The following SDK1 variants were observed in gnomAD, a reference collection of about 807,000 sequenced individuals.
SDK1 encodes the protein protein sidekick-1.
In SDK1, 157 loss-of-function variants were observed where a neutral mutation model predicts 245.5. The observed-to-expected ratio is 0.64, with a 90% CI of 0.56 to 0.73. SDK1 has a LOEUF of 0.73. Among genes scored for constraint, SDK1 ranks in the 30% least tolerant of loss-of-function variants. SDK1 has a pLI of 0.00. For synonymous variants in SDK1, 1,647 were observed against 1,278.5 expected, an observed-to-expected ratio of 1.29 and a Z score of -6.15; for missense variants, 3,583 against 3,002.3, an observed-to-expected ratio of 1.19 and a Z score of -4.52.
rs1456644585 is a variant in SDK1 at position 3,354,060 on chromosome 7, T to C, written c.298+52176T>C. ...CAGGCTGGAGTGCAGTGGCGAGATC[T>C]CGGCTCGCTGCAAGCTCCGCCTCCT... is the stretch of plus-strand genomic sequence containing the variant. On this transcript the variant is annotated intron_variant, in intron 1 of 44. Coordinates refer to ENST00000404826, the MANE Select transcript of SDK1 (RefSeq NM_152744.4). Among the ~76,000 whole-genome samples the C allele has an allele frequency of 6.6e-5, 10 of 151,576 alleles. 1 individual carries two copies. Among genetic ancestry groups the C allele is most frequent in the Admixed American group, 6.6e-4 (10 of 15,218 alleles).
At chr7:3,491,679 A>G (rs564414635) in intron 1 of SDK1, among the ~76,000 whole-genome samples, 4 of 152,224 alleles carry the variant, frequency 2.6e-5, no homozygotes, top group Non-Finnish European at 5.9e-5. Context: ...ACACATTCTC[A>G]GTTGAGCTAG....
intron 4 of SDK1, among the ~76,000 whole-genome samples, chr7:3,755,150 A>G (rs1017549014): frequency 3.9e-5 from 6 of 152,154 alleles, no homozygotes; most frequent in African/African-American, 1.4e-4. Flanking sequence ...CAAGTGAAAG[A>G]AGGAGGCTTC....
At chr7:3,940,581 G>C (rs377260256) in intron 5 of SDK1, among the ~76,000 whole-genome samples, 1 of 152,040 alleles carries the variant, frequency 6.6e-6, no homozygotes, top group South Asian at 2.1e-4. Context: ...GGTGGCTCAC[G>C]CCTGTAATCC....
intron 4 of SDK1, among the ~76,000 whole-genome samples, chr7:3,790,805 C>T (rs1273583658): frequency 1.3e-5 from 2 of 152,084 alleles, no homozygotes; most frequent in Non-Finnish European, 2.9e-5. Context: ...GCCAAAAACA[C>T]ACACACAAAA....
At chr7:4,194,034 T>A (rs1420811756) in intron 35 of SDK1, among the ~76,000 whole-genome samples, 2 of 151,920 alleles carry the variant, frequency 1.3e-5, no homozygotes, top group Non-Finnish European at 2.9e-5. Flanking sequence ...AGAAGTAGAG[T>A]CCTTAGCATT....
intron 4 of SDK1, among the ~76,000 whole-genome samples, chr7:3,738,168 C>T (rs80182692): frequency 0.069 from 10,533 of 152,218 alleles, 411 homozygotes; most frequent in Middle Eastern, 0.12. Flanking sequence ...ATTGTAAGTG[C>T]TTTCAATTTT....
At chr7:4,143,055 C>T (rs1190199525) in intron 28 of SDK1, among the ~76,000 whole-genome samples, 1 of 152,172 alleles carries the variant, frequency 6.6e-6, no homozygotes, top group Non-Finnish European at 1.5e-5. Flanking sequence ...TTCTGAGGCA[C>T]ACGCTGTAGG....
chr7:4,251,477 G>A (rs1052587395), intron 44 of SDK1, among the ~76,000 whole-genome samples: 4 of 152,140 alleles, frequency 2.6e-5, no homozygotes, highest in African/African-American at 4.8e-5. Flanking sequence ...TGTCTACCAC[G>A]GCTTTACCAT....
intron 35 of SDK1, among the ~76,000 whole-genome samples, chr7:4,183,171 G>T (rs1449488421): frequency 6.6e-6 from 1 of 152,192 alleles, no homozygotes; most frequent in Admixed American, 6.5e-5. Flanking sequence ...TGAGTCGTGA[G>T]TCATGAGTCC....
In SDK1 at chr7:3,639,119, A is replaced by C; in HGVS notation, c.565+9A>C. 1 of 1,520,706 alleles carries C rather than the reference A, an allele frequency of 6.6e-7. No individual in the cohort carries two copies. Among genetic ancestry groups the C allele is most frequent in the Non-Finnish European group, 9.0e-7 (1 of 1,105,082 alleles). The allele number at this position is 1,520,706 out of a possible 1,614,324, so 94.2% of individuals were successfully genotyped here. On this transcript the variant is annotated intron_variant, in intron 3 of 44. Coordinates refer to ENST00000404826, the MANE Select transcript of SDK1 (RefSeq NM_152744.4). ...AGAAGTTCAAGTCGCATGTATGTGT[A>C]CAGTAAGGAGATGTCCAAATGTTAA...
intron 1 of SDK1, among the ~76,000 whole-genome samples, chr7:3,571,889 C>A: frequency 6.6e-6 from 1 of 152,034 alleles, no homozygotes; most frequent in East Asian, 1.9e-4. Flanking sequence ...TATATTTCTA[C>A]CTAGCCCTTA....
chr7:3,750,904 G>A (rs867099064), intron 4 of SDK1, among the ~76,000 whole-genome samples: 12 of 152,192 alleles, frequency 7.9e-5, no homozygotes, highest in African/African-American at 2.2e-4. Context: ...TGGATGTAGC[G>A]CTAACAGCAC....
intron 4 of SDK1, among the ~76,000 whole-genome samples, chr7:3,800,148 T>C (rs1282484906): frequency 1.3e-5 from 2 of 152,160 alleles, no homozygotes; most frequent in African/African-American, 2.4e-5. Flanking sequence ...CCTGGCATAC[T>C]GTATTAGGAA....
intron 1 of SDK1, among the ~76,000 whole-genome samples, chr7:3,397,655 G>A: frequency 6.6e-6 from 1 of 151,880 alleles, no homozygotes; most frequent in East Asian, 1.9e-4. Flanking sequence ...TTGACTCTTT[G>A]AGTTACCCTA....
chr7:4,125,358 T>C (rs1411113022), intron 25 of SDK1, among the ~76,000 whole-genome samples: 1 of 149,932 alleles, frequency 6.7e-6, no homozygotes, highest in Non-Finnish European at 1.5e-5. Context: ...GATGGATGGA[T>C]GGATGGATGA....
intron 1 of SDK1, among the ~76,000 whole-genome samples, chr7:3,564,372 C>T (rs573595483): frequency 1.2e-4 from 18 of 152,066 alleles, no homozygotes; most frequent in Non-Finnish European, 1.6e-4. Flanking sequence ...CCTGTAGTCC[C>T]AGCTGCTTTG....
At chr7:3,348,121 A>G (rs764247348) in intron 1 of SDK1, among the ~76,000 whole-genome samples, 1 of 152,194 alleles carries the variant, frequency 6.6e-6, no homozygotes, top group Non-Finnish European at 1.5e-5. Context: ...AGTGGGGACG[A>G]TGTTTACATC....
At chr7:3,869,937 G>A (rs1274264420) in intron 5 of SDK1, among the ~76,000 whole-genome samples, 1 of 152,178 alleles carries the variant, frequency 6.6e-6, no homozygotes, top group African/African-American at 2.4e-5. Context: ...GAAATGCCAT[G>A]TTGTATTTAT....
At chr7:3,881,990 A>G (rs1416457853) in intron 5 of SDK1, among the ~76,000 whole-genome samples, 2 of 152,136 alleles carry the variant, frequency 1.3e-5, no homozygotes, top group African/African-American at 2.4e-5. Flanking sequence ...AAAGAAAAAG[A>G]GGTTTAATGG....
Sources: allele counts gnomAD v4.1 joint callset (sites outside exome capture counted in the v4.1 genomes callset), GRCh38; gene constraint gnomAD v4.1.1; transcripts MANE v1.5; gene names NCBI Gene and HGNC (gene_info 2026-07-23, HGNC 2026-07-21).